Variants in SLC9C1 observed in about 807,000 individuals in gnomAD.
The protein encoded by SLC9C1 is sodium/hydrogen exchanger 10.
In SLC9C1, 97 loss-of-function variants were observed where a neutral mutation model predicts 140.9. That is an observed-to-expected ratio of 0.69 (90% CI 0.58 to 0.82). The LOEUF is 0.82. Ranked by LOEUF, SLC9C1 falls within the 40% of genes least tolerant of loss-of-function variation. SLC9C1 has a pLI of 0.00. For missense variants in SLC9C1, 1,340 were observed against 1,389.3 expected, an observed-to-expected ratio of 0.96 and a Z score of 0.56; for synonymous variants, 440 against 442.6, an observed-to-expected ratio of 0.99 and a Z score of 0.07.
intron 20 of SLC9C1, among the ~76,000 whole-genome samples, chr3:112,186,191 T>A (rs779686183): frequency 1.6e-4 from 24 of 152,324 alleles, no homozygotes; most frequent in Middle Eastern, 3.4e-3. Context: ...GACTTTTAGT[T>A]CTCTTAATTT....
intron 27 of SLC9C1, 117 bp from the exon 28 acceptor site, chr3:112,152,080 T>A: frequency 2.7e-6 from 2 of 730,906 alleles, no homozygotes; most frequent in South Asian, 2.2e-5. Context: ...AGAAAAGAAA[T>A]AAGACACAGA....
At position 112,182,215 on chromosome 3, in the gene SLC9C1, A is replaced by G; in HGVS notation, c.2567T>C (p.Ile856Thr). 3 of 1,607,340 alleles carry G rather than the reference A, an allele frequency of 1.9e-6. No homozygotes were observed. Among genetic ancestry groups the G allele is most frequent in the Non-Finnish European group, 2.5e-6 (3 of 1,177,048 alleles). Residue 856 changes from isoleucine (I) to threonine (T), a missense_variant, in exon 21 of 29, where the codon ATT (isoleucine) becomes ACT (threonine). By Grantham distance (89) the Ile-to-Thr change is moderately conservative. Coordinates refer to ENST00000305815, the MANE Select transcript of SLC9C1 (RefSeq NM_183061.3). ...KKKEVLDSQSIIRPLTVEEVL... is the reference protein window; with the variant it reads ...KKKEVLDSQSTIRPLTVEEVL... ...TTCTTCAACAGTAAGAGGCCTGATA[A>G]TAGATTGAGAATCAAGCACCTCTTT...
intron 16 of SLC9C1, among the ~76,000 whole-genome samples, chr3:112,206,664 T>C (rs2078059670): frequency 6.6e-6 from 1 of 151,928 alleles, no homozygotes; most frequent in African/African-American, 2.4e-5. Context: ...TACGCAGCCA[T>C]AAAAAAGGAT....
intron 2 of SLC9C1, among the ~76,000 whole-genome samples, chr3:112,284,078 T>C (rs1576526100): frequency 6.6e-6 from 1 of 152,200 alleles, no homozygotes; most frequent in South Asian, 2.1e-4. Context: ...CAAAGAAAAG[T>C]GATAATGCTG....
chr3:112,172,457 G>A (rs922763317), intron 23 of SLC9C1, among the ~76,000 whole-genome samples: 1 of 151,752 alleles, frequency 6.6e-6, no homozygotes, highest in Admixed American at 6.6e-5. Context: ...GTTATTTTTG[G>A]TAGAATCTTA....
intron 13 of SLC9C1, among the ~76,000 whole-genome samples, chr3:112,225,167 A>G (rs918986119): frequency 6.6e-6 from 1 of 152,194 alleles, no homozygotes; most frequent in Admixed American, 6.5e-5. Flanking sequence ...AGGAATCTCC[A>G]TTAGAATATC....
chr3:112,243,894 G>T, intron 11 of SLC9C1, 101 bp downstream of exon 11: 1 of 776,564 alleles, frequency 1.3e-6, no homozygotes, highest in Non-Finnish European at 1.9e-6. Flanking sequence ...GTCTCACTAT[G>T]TTGCCTAGGC....
intron 20 of SLC9C1, 33 bp from the exon 21 acceptor site, chr3:112,182,291 C>G (rs755739073): frequency 1.3e-6 from 2 of 1,577,720 alleles, no homozygotes; most frequent in Non-Finnish European, 1.7e-6. Flanking sequence ...AGGGATGAAC[C>G]AAACTGCTGT....
At chr3:112,217,611 G>C in intron 14 of SLC9C1, 50 bp from the exon 15 acceptor site, 1 of 1,489,872 alleles carries the variant, frequency 6.7e-7, no homozygotes, top group South Asian at 1.3e-5. Context: ...TTTGAGATAA[G>C]TTTAATGTTG....
chr3:112,245,178 A>G (rs1329999010), intron 10 of SLC9C1, among the ~76,000 whole-genome samples: 2 of 152,234 alleles, frequency 1.3e-5, no homozygotes, highest in South Asian at 4.1e-4. Flanking sequence ...ATTAAATAGC[A>G]TATGACATGT....
chr3:112,285,735 CT>C (rs1309720774), intron 2 of SLC9C1, among the ~76,000 whole-genome samples: 9 of 152,018 alleles, frequency 5.9e-5, no homozygotes. Context: ...TATATTTTTC[CT>C]TATGGTATTC....
chr3:112,237,536 A>C (rs1210024749), intron 12 of SLC9C1, among the ~76,000 whole-genome samples: 9 of 152,144 alleles, frequency 5.9e-5, no homozygotes, highest in Admixed American at 5.9e-4. Context: ...TAGTTGATGC[A>C]GTTTCTTCCT....
intron 13 of SLC9C1, among the ~76,000 whole-genome samples, chr3:112,223,121 C>A (rs1055529026): frequency 6.6e-6 from 1 of 151,972 alleles, no homozygotes; most frequent in African/African-American, 2.4e-5. Flanking sequence ...CTATAAAAGG[C>A]TTCTTGTTTA....
At chr3:112,165,247 C>T (rs936766171) in intron 26 of SLC9C1, among the ~76,000 whole-genome samples, 2 of 152,088 alleles carry the variant, frequency 1.3e-5, no homozygotes, top group Admixed American at 6.5e-5. Context: ...GATGTTTGAT[C>T]ATCTGAAGCC....
chr3:112,147,077 C>T (rs948276544), intron 28 of SLC9C1, among the ~76,000 whole-genome samples: 2 of 151,976 alleles, frequency 1.3e-5, no homozygotes, highest in African/African-American at 4.8e-5. Context: ...TTTACTGTTT[C>T]CTATTTAAAG....
chr3:112,180,719 A>T (rs2077423880), intron 21 of SLC9C1, 57 bp from the exon 22 acceptor site: 9 of 1,429,928 alleles, frequency 6.3e-6, no homozygotes, highest in South Asian at 2.4e-5. Context: ...GTGGTTGGGA[A>T]TGTTAAAATT....
intron 23 of SLC9C1, among the ~76,000 whole-genome samples, chr3:112,169,979 A>G (rs114952031): frequency 6.6e-6 from 1 of 152,076 alleles, no homozygotes; most frequent in African/African-American, 2.4e-5. Flanking sequence ...CACCACATTA[A>G]AAAAAATCAA....
chr3:112,264,416 T>C (rs1322603844), intron 8 of SLC9C1, 73 bp from the exon 9 acceptor site: 1 of 878,522 alleles, frequency 1.1e-6, no homozygotes, highest in Non-Finnish European at 1.5e-6. Context: ...GGTTTATCTA[T>C]GTGAATCATT....
chr3:112,181,249 G>A (rs949540056), intron 21 of SLC9C1, among the ~76,000 whole-genome samples: 2 of 152,124 alleles, frequency 1.3e-5, no homozygotes, highest in African/African-American at 4.8e-5. Context: ...AGTACTCTAG[G>A]AATGAGAATG....
Sources: allele counts gnomAD v4.1 joint callset (sites outside exome capture counted in the v4.1 genomes callset), GRCh38; gene constraint gnomAD v4.1.1; transcripts MANE v1.5; gene names NCBI Gene and HGNC (gene_info 2026-07-23, HGNC 2026-07-21).